CCDC192: variants seen among roughly 807,000 people sequenced by gnomAD.
CCDC192 encodes coiled-coil domain-containing protein 192.
intron 6 of CCDC192, among the ~76,000 whole-genome samples, chr5:127,892,284 G>A (rs1054518453): frequency 6.6e-6 from 1 of 152,140 alleles, no homozygotes; most frequent in Non-Finnish European, 1.5e-5. Flanking sequence ...GATTTCAAAA[G>A]AAAAGGTAGA....
intron 6 of CCDC192, among the ~76,000 whole-genome samples, chr5:127,884,215 C>T (rs560885231): frequency 5.9e-5 from 9 of 151,500 alleles, no homozygotes; most frequent in East Asian, 2.0e-4. Flanking sequence ...TGGTGGCGGG[C>T]GCCTGTAGTC....
chr5:127,853,107 A>C (rs1750874445), intron 5 of CCDC192, among the ~76,000 whole-genome samples: 1 of 152,008 alleles, frequency 6.6e-6, no homozygotes, highest in Admixed American at 6.5e-5. Flanking sequence ...AAATTCTGCT[A>C]TCCCCATGCT....
At chr5:127,774,852 C>T (rs934141411) in intron 3 of CCDC192, among the ~76,000 whole-genome samples, 6 of 152,146 alleles carry the variant, frequency 3.9e-5, no homozygotes, top group Admixed American at 6.5e-5. Flanking sequence ...GGCATATTGC[C>T]ATCTTCATAA....
In CCDC192 at chr5:127,839,444, C is replaced by A. The variant is rs58765851; in HGVS notation, c.412-36094C>A. On this transcript the variant is annotated intron_variant, in intron 5 of 6. Transcript: ENST00000514853. ...AAACAAAAGCCAGGAAGAAAATATA[C>A]CAAAATGTTAGCAATAGTAATCTTA... Among the ~76,000 whole-genome samples, 20 of 152,148 alleles carry A rather than the reference C, an allele frequency of 1.3e-4. No individual in the cohort carries two copies. The East Asian group carries it at 3.7e-3, about 28-fold the overall frequency.
chr5:127,719,585 A>C, intron 2 of CCDC192, among the ~76,000 whole-genome samples: 1 of 139,298 alleles, frequency 7.2e-6, no homozygotes, highest in Non-Finnish European at 1.5e-5. Context: ...ATATATACCA[A>C]GCAGTGGGAT....
chr5:127,747,142 C>T (rs1295684567), intron 2 of CCDC192, among the ~76,000 whole-genome samples: 1 of 150,560 alleles, frequency 6.6e-6, no homozygotes, highest in African/African-American at 2.5e-5. Flanking sequence ...TTTTAGGGTA[C>T]ATGTGCACAT....
At chr5:127,816,260 T>A (rs1749020188) in intron 5 of CCDC192, among the ~76,000 whole-genome samples, 1 of 152,098 alleles carries the variant, frequency 6.6e-6, no homozygotes, top group Non-Finnish European at 1.5e-5. Context: ...CAGTAAAGCT[T>A]TTTAGAGGGA....
intron 5 of CCDC192, among the ~76,000 whole-genome samples, chr5:127,850,992 CAA>C (rs1170530131): frequency 1.3e-5 from 2 of 151,880 alleles, no homozygotes; most frequent in East Asian, 1.9e-4. Flanking sequence ...AACAAACAAA[CAA>C]AGCATCAGAA....
intron 5 of CCDC192, among the ~76,000 whole-genome samples, chr5:127,852,517 C>T (rs184990826): frequency 1.3e-5 from 2 of 152,262 alleles, no homozygotes; most frequent in East Asian, 1.9e-4. Context: ...CTGTGGCATT[C>T]ACCCAGATAT....
chr5:127,904,624 C>T (rs1288548042), intron 6 of CCDC192, among the ~76,000 whole-genome samples: 1 of 151,528 alleles, frequency 6.6e-6, no homozygotes, highest in Non-Finnish European at 1.5e-5. Flanking sequence ...TGCCTCAGCC[C>T]CTGAGTAGCC....
intron 5 of CCDC192, among the ~76,000 whole-genome samples, chr5:127,849,499 G>A (rs1424646146): frequency 6.6e-6 from 1 of 152,094 alleles, no homozygotes; most frequent in Non-Finnish European, 1.5e-5. Flanking sequence ...GAAAGAGTTG[G>A]CTCTCCTGGG....
intron 3 of CCDC192, among the ~76,000 whole-genome samples, chr5:127,774,443 G>T (rs1235191582): frequency 6.6e-6 from 1 of 152,156 alleles, no homozygotes; most frequent in African/African-American, 2.4e-5. Flanking sequence ...AAGTAACATA[G>T]GGGTCCAACT....
chr5:127,874,440 C>T (rs1751984764), intron 5 of CCDC192, among the ~76,000 whole-genome samples: 1 of 151,882 alleles, frequency 6.6e-6, no homozygotes, highest in African/African-American at 2.4e-5. Context: ...GGCAACAAAG[C>T]AAAAAGTGAA....
chr5:127,819,086 T>C (rs1196207256), intron 5 of CCDC192, among the ~76,000 whole-genome samples: 1 of 152,184 alleles, frequency 6.6e-6, no homozygotes, highest in African/African-American at 2.4e-5. Flanking sequence ...TTGTAAACTG[T>C]TTCATACATG....
At chr5:127,871,427 G>T (rs1468039572) in intron 5 of CCDC192, among the ~76,000 whole-genome samples, 2 of 152,150 alleles carry the variant, frequency 1.3e-5, no homozygotes, top group African/African-American at 2.4e-5. Context: ...CTTAGAGAAA[G>T]TGCTTAGAAA....
At chr5:127,861,260 G>A (rs1256807995) in intron 5 of CCDC192, among the ~76,000 whole-genome samples, 3 of 151,328 alleles carry the variant, frequency 2.0e-5, no homozygotes, top group Non-Finnish European at 2.9e-5. Flanking sequence ...CGCCTGCCTC[G>A]GCCTCCCAAA....
At chr5:127,716,886 A>T (rs1751652394) in intron 2 of CCDC192, among the ~76,000 whole-genome samples, 1 of 152,072 alleles carries the variant, frequency 6.6e-6, no homozygotes, top group Admixed American at 6.5e-5. Flanking sequence ...TTCTCTCCTT[A>T]CTTTATAGGG....
At chr5:127,892,379 G>A (rs1752757472) in intron 6 of CCDC192, among the ~76,000 whole-genome samples, 2 of 152,056 alleles carry the variant, frequency 1.3e-5, no homozygotes, top group Admixed American at 1.3e-4. Flanking sequence ...ACTCCTGGAT[G>A]GAACTAGCAG....
At chr5:127,830,987 C>G (rs1749769841) in intron 5 of CCDC192, among the ~76,000 whole-genome samples, 1 of 152,134 alleles carries the variant, frequency 6.6e-6, no homozygotes, top group Non-Finnish European at 1.5e-5. Context: ...ACCTAGCAAG[C>G]TTAGTTAGAA....
Sources: allele counts gnomAD v4.1 joint callset (sites outside exome capture counted in the v4.1 genomes callset), GRCh38; gene constraint gnomAD v4.1.1; transcripts MANE v1.5; gene names NCBI Gene and HGNC (gene_info 2026-07-23, HGNC 2026-07-21).